The following KIAA0825 variants were observed in gnomAD, a reference collection of about 807,000 sequenced individuals.
KIAA0825 encodes the protein KIAA0825.
KIAA0825 carries 119 observed loss-of-function variants against 147.6 expected under a neutral mutation model. That is an observed-to-expected ratio of 0.81 (90% CI 0.69 to 0.94). The LOEUF is 0.94. Ranked by LOEUF, KIAA0825 falls within the 40% of genes least tolerant of loss-of-function variation. KIAA0825 has a pLI of 0.00. For missense variants in KIAA0825, 1,381 were observed against 1,472.7 expected (o/e 0.94, Z 1.02); for synonymous variants, 470 against 518.1 (o/e 0.91, Z 1.26).
chr5:94,584,778 G>C (rs1053996639), intron 1 of KIAA0825, among the ~76,000 whole-genome samples: 1 of 152,290 alleles, frequency 6.6e-6, no homozygotes, highest in South Asian at 2.1e-4. Flanking sequence ...AAATGTTAAG[G>C]ACAGCCAGAG....
chr5:94,432,249 G>A (rs1203351250), intron 14 of KIAA0825, among the ~76,000 whole-genome samples: 5 of 152,178 alleles, frequency 3.3e-5, no homozygotes, highest in African/African-American at 1.2e-4. Flanking sequence ...TCACCTGGGA[G>A]TTTGTTAGAG....
intron 20 of KIAA0825, among the ~76,000 whole-genome samples, chr5:94,364,478 T>C (rs982503273): frequency 4.0e-5 from 6 of 151,650 alleles, no homozygotes; most frequent in Non-Finnish European, 4.4e-5. Flanking sequence ...GCCTCCCGGG[T>C]TCACGCCATT....
chr5:94,594,310 G>A lies in KIAA0825; in HGVS notation c.-152-11727C>T, dbSNP rs115164870. On this transcript the variant is annotated intron_variant, in intron 1 of 20. Transcript: ENST00000682413. Reference sequence around the variant, plus strand: ...ATCCCATGGTTTCTCGACTGCTTCTGTCAGCAATATAATAAAGGTATTGCT... The same window carrying A: ...ATCCCATGGTTTCTCGACTGCTTCTATCAGCAATATAATAAAGGTATTGCT... The A allele has an allele frequency of 7.7e-4, 508 of 658,736 alleles. 1 individual carries two copies. The African/African-American group carries it at 8.4e-3, about 11-fold the overall frequency. The allele number at this position is 658,736 out of a possible 1,614,324, so 40.8% of individuals were successfully genotyped here. A position where few individuals can be genotyped will look rare whatever the true frequency, so the allele number is the denominator to read the frequency against.
At chr5:94,371,215 A>G (rs141615063) in intron 20 of KIAA0825, among the ~76,000 whole-genome samples, 1 of 152,184 alleles carries the variant, frequency 6.6e-6, no homozygotes, top group South Asian at 2.1e-4. Context: ...CACTATGAGG[A>G]GAAAAAAAGC....
At chr5:94,525,713 A>G (rs1447678259) in intron 3 of KIAA0825, among the ~76,000 whole-genome samples, 1 of 151,974 alleles carries the variant, frequency 6.6e-6, no homozygotes, top group East Asian at 1.9e-4. Flanking sequence ...AGCAATGTGA[A>G]TTGGAAAGGC....
intron 19 of KIAA0825, among the ~76,000 whole-genome samples, chr5:94,385,523 GT>G (rs1562443539): frequency 6.6e-6 from 1 of 152,188 alleles, no homozygotes; most frequent in Non-Finnish European, 1.5e-5. Flanking sequence ...TGCCCTGTTA[GT>G]TCAAATTGTC....
At chr5:94,598,525 T>A (rs1343248575) in intron 1 of KIAA0825, among the ~76,000 whole-genome samples, 1 of 152,134 alleles carries the variant, frequency 6.6e-6, no homozygotes, top group African/African-American at 2.4e-5. Context: ...CAGTTAACAG[T>A]CTTTTTTATA....
chr5:94,609,719 C>G (rs1021831996), intron 1 of KIAA0825, among the ~76,000 whole-genome samples: 65 of 152,220 alleles, frequency 4.3e-4, no homozygotes, highest in African/African-American at 1.5e-3. Flanking sequence ...GAGGCCGAGG[C>G]AGGAGAATTG....
At chr5:94,430,201 T>C (rs1755481637) in intron 14 of KIAA0825, among the ~76,000 whole-genome samples, 1 of 152,224 alleles carries the variant, frequency 6.6e-6, no homozygotes, top group Admixed American at 6.5e-5. Context: ...TTCAGCCTGC[T>C]GATCCAGGTG....
intron 5 of KIAA0825, among the ~76,000 whole-genome samples, chr5:94,512,700 C>A (rs145842182): frequency 1.2e-3 from 176 of 151,862 alleles, no homozygotes; most frequent in African/African-American, 4.0e-3. Context: ...TTGAGACCAG[C>A]CTGCCAACAT....
At position 94,469,994 on chromosome 5, in the gene KIAA0825, G is replaced by A; in HGVS notation, c.1839C>T (p.Ser613=). ...CATSILQDAE[S]HHWDDYKAFY... is the part of the protein sequence containing the mutation. Reference sequence around the variant, plus strand: ...AAGCTTTGTAGTCATCCCAGTGGTGGCTCTCAGCATCCTGTAAAATGCTTG... The same window carrying A: ...AAGCTTTGTAGTCATCCCAGTGGTGACTCTCAGCATCCTGTAAAATGCTTG... Residue 613 remains serine (S), a synonymous_variant, in exon 10 of 21, where the codon AGC becomes AGT. Coordinates refer to ENST00000682413, the MANE Select transcript of KIAA0825 (RefSeq NM_001145678.3). 6.4e-7 allele frequency: 1 copy of A among 1,551,600 alleles called. No homozygotes were observed. The highest frequency in any genetic ancestry group is 8.7e-7 in the Non-Finnish European group (1 of 1,146,872).
chr5:94,374,270 C>G (rs893395498), intron 20 of KIAA0825, among the ~76,000 whole-genome samples: 1 of 152,102 alleles, frequency 6.6e-6, no homozygotes, highest in African/African-American at 2.4e-5. Flanking sequence ...CTTATTATAC[C>G]TTTCTTTCAT....
chr5:94,564,993 C>CCTCT (rs1245913455), intron 2 of KIAA0825, among the ~76,000 whole-genome samples: 5 of 125,918 alleles, frequency 4.0e-5, no homozygotes, highest in African/African-American at 1.2e-4. Context: ...CTTCTCTTCT[C>CCTCT]CTCTCTCTCT....
At chr5:94,340,676 TCA>T (rs1782279058) in intron 20 of KIAA0825, among the ~76,000 whole-genome samples, 5 of 152,048 alleles carry the variant, frequency 3.3e-5, no homozygotes, top group Non-Finnish European at 5.9e-5. Context: ...GTGAAAAAGC[TCA>T]TGATACATAT....
At chr5:94,186,174 T>C (rs1486372210) in intron 20 of KIAA0825, among the ~76,000 whole-genome samples, 2 of 152,238 alleles carry the variant, frequency 1.3e-5, no homozygotes, top group African/African-American at 4.8e-5. Flanking sequence ...TATCAACTTA[T>C]AAGAAAAGAC....
Position 94,153,915 on chromosome 5 carries a change from C to A in KIAA0825, c.*92G>T. On this transcript the variant is annotated 3_prime_UTR_variant, in exon 21 of 21. Transcript: ENST00000682413. ...CAGTCATTGGTTTCATGCTTCACAG[C>A]ACATATGAGGTTCATTCTGACTATG... 1.2e-6 allele frequency: 1 copy of A among 801,068 alleles called. No individual in the cohort carries two copies. The highest frequency in any genetic ancestry group is 2.1e-6 in the Non-Finnish European group (1 of 476,778). 49.6% of individuals were successfully genotyped at this position (801,068 alleles called of 1,614,324 possible).
chr5:94,245,983 A>G (rs563788255), intron 20 of KIAA0825, among the ~76,000 whole-genome samples: 1 of 152,264 alleles, frequency 6.6e-6, no homozygotes, highest in South Asian at 2.1e-4. Context: ...TCTGCATAAC[A>G]CAGATCTATA....
chr5:94,470,129 T>G lies in KIAA0825; in HGVS notation c.1722-18A>C. The G allele has an allele frequency of 1.9e-6, 3 of 1,541,348 alleles. No homozygotes were observed. The highest frequency in any genetic ancestry group is 2.6e-6 in the Non-Finnish European group (3 of 1,141,290). ...ATATGGGTCTGTTCAGAGAGAATGA[T>G]CAAAGAGACAGAGATTTAAGGCCTG... On this transcript the variant is annotated intron_variant, in intron 9 of 20. Coordinates refer to ENST00000682413, the MANE Select transcript of KIAA0825 (RefSeq NM_001145678.3).
At chr5:94,461,333 T>C (rs192082833) in intron 12 of KIAA0825, among the ~76,000 whole-genome samples, 108 of 152,092 alleles carry the variant, frequency 7.1e-4, no homozygotes, top group African/African-American at 2.6e-3. Flanking sequence ...AAATGACCCA[T>C]TGAACTGAGA....
Sources: allele counts gnomAD v4.1 joint callset (sites outside exome capture counted in the v4.1 genomes callset), GRCh38; gene constraint gnomAD v4.1.1; transcripts MANE v1.5; gene names NCBI Gene and HGNC (gene_info 2026-07-23, HGNC 2026-07-21).